The following TTC39C variants were observed in gnomAD, a reference collection of about 807,000 sequenced individuals.
TTC39C encodes the protein tetratricopeptide repeat domain 39C.
A neutral mutation model predicts 76.3 loss-of-function variants in TTC39C; 33 were observed. The observed-to-expected ratio is 0.43, with a 90% CI of 0.33 to 0.58. The LOEUF (loss-of-function observed/expected upper bound fraction) is 0.58, where lower values mean the gene tolerates loss of function less well. Ranked by LOEUF, TTC39C falls within the 20% of genes least tolerant of loss-of-function variation. The pLI, the probability that TTC39C is intolerant of heterozygous loss-of-function variation, is 0.04. For missense variants in TTC39C, 595 were observed against 701.4 expected (o/e 0.85, Z 1.71); for synonymous variants, 254 against 260.6 (o/e 0.97, Z 0.24).
intron 1 of TTC39C, among the ~76,000 whole-genome samples, chr18:24,053,292 C>T (rs1305822284): frequency 6.6e-6 from 1 of 151,450 alleles, no homozygotes; most frequent in Non-Finnish European, 1.5e-5. Context: ...TTCCAAGACA[C>T]CTTTCCCTTT....
At chr18:24,120,618 T>C (rs901212324) in intron 8 of TTC39C, among the ~76,000 whole-genome samples, 1 of 152,194 alleles carries the variant, frequency 6.6e-6, no homozygotes, top group Non-Finnish European at 1.5e-5. Context: ...GCTCAGATTG[T>C]TTTGCAAACA....
intron 4 of TTC39C, among the ~76,000 whole-genome samples, chr18:24,079,806 C>CTTT (rs34238141): frequency 1.4e-4 from 19 of 140,536 alleles, no homozygotes; most frequent in African/African-American, 4.0e-4. Context: ...TTTTTTCTTT[C>CTTT]TTTTTTTTTT....
rs200046547 is a variant in TTC39C, at chr18:24,118,231, A to G, written c.1185A>G (p.Ala395=). The change falls in exon 8 of 14, where the codon GCA becomes GCG. Residue 395 remains alanine, a splice_region_variant and synonymous_variant. Transcript: ENST00000317571. ...AGTGCTATTATGCCTACTTGACTGC[A>G]GGTGAGTCGCCCATGGTCCCTCAGT... ...WSQCYYAYLT[A]VCQGATGDVD... 2.2e-4 allele frequency: 348 copies of G among 1,611,934 alleles called. No individual in the cohort carries two copies. Among genetic ancestry groups the G allele is most frequent in the Non-Finnish European group, 2.5e-4 (296 of 1,178,836 alleles).
chr18:24,064,057 C>T, intron 1 of TTC39C, 83 bp from the exon 2 acceptor site: 1 of 1,560,258 alleles, frequency 6.4e-7, no homozygotes, highest in Non-Finnish European at 8.7e-7. Context: ...ATATGGTAAT[C>T]ATGATATGTC....
intron 1 of TTC39C, among the ~76,000 whole-genome samples, chr18:24,051,325 G>A (rs2083946345): frequency 1.3e-5 from 2 of 152,330 alleles, no homozygotes; most frequent in Middle Eastern, 3.4e-3. Flanking sequence ...TAAGATGCAA[G>A]GCCATATCAC....
chr18:24,021,523 CT>C (rs929993311), intron 1 of TTC39C, among the ~76,000 whole-genome samples: 19 of 142,160 alleles, frequency 1.3e-4, no homozygotes, highest in Non-Finnish European at 2.1e-4. Flanking sequence ...TGGGGTTTTG[CT>C]TTTTTTCTTT....
At chr18:24,023,985 T>TAC in intron 1 of TTC39C, among the ~76,000 whole-genome samples, 1 of 5,890 alleles carries the variant, frequency 1.7e-4, no homozygotes, top group African/African-American at 3.1e-4. Flanking sequence ...TATATACATA[T>TAC]ATATATATAT....
intron 1 of TTC39C, among the ~76,000 whole-genome samples, chr18:24,050,434 A>C (rs1294342855): frequency 6.6e-6 from 1 of 151,842 alleles, no homozygotes; most frequent in Non-Finnish European, 1.5e-5. Flanking sequence ...GCCAGGCATG[A>C]TGACCCATGC....
intron 4 of TTC39C, among the ~76,000 whole-genome samples, chr18:24,076,352 C>T (rs1432109926): frequency 1.3e-5 from 2 of 152,196 alleles, no homozygotes; most frequent in Admixed American, 6.5e-5. Flanking sequence ...ATGATTCATA[C>T]TTGACCTTTC....
chr18:24,069,099 G>T, intron 3 of TTC39C, 58 bp from the exon 4 acceptor site: 1 of 1,332,060 alleles, frequency 7.5e-7, no homozygotes, highest in South Asian at 1.2e-5. Context: ...ATACTGTTTG[G>T]GGGAACTGTC....
upstream of TTC39C, chr18:24,013,088 C>T (rs1181628816): frequency 6.6e-6 from 1 of 152,168 alleles, no homozygotes; most frequent in Non-Finnish European, 1.5e-5. Flanking sequence ...AGGATGGTGA[C>T]ACTGCTGATG....
intron 1 of TTC39C, among the ~76,000 whole-genome samples, chr18:24,033,535 A>G (rs1184910043): frequency 3.3e-5 from 5 of 152,184 alleles, no homozygotes; most frequent in Admixed American, 2.6e-4. Context: ...TTTGCTATGC[A>G]TTCTGTAAGA....
chr18:24,023,843 C>T (rs2083545470), intron 1 of TTC39C, among the ~76,000 whole-genome samples: 1 of 120,790 alleles, frequency 8.3e-6, no homozygotes, highest in Non-Finnish European at 1.9e-5. Flanking sequence ...TGTAATTCCC[C>T]TTTTATGATC....
At chr18:24,075,162 A>T (rs11661995) in intron 4 of TTC39C, among the ~76,000 whole-genome samples, 64,772 of 147,926 alleles carry the variant, frequency 0.44, 16,111 homozygotes, top group Non-Finnish European at 0.57. Flanking sequence ...GGGTGGGGGG[A>T]GTGGGGAGGG....
At chr18:24,045,620 T>C (rs1389463130) in intron 1 of TTC39C, among the ~76,000 whole-genome samples, 1 of 152,020 alleles carries the variant, frequency 6.6e-6, no homozygotes, top group Non-Finnish European at 1.5e-5. Context: ...CTGCCTGCAA[T>C]GGAGTTGGCA....
At position 24,026,075 on chromosome 18, in the gene TTC39C, G is replaced by C. The variant is rs115004940; in HGVS notation, c.167+11037G>C. 7.8e-3 allele frequency among the ~76,000 whole-genome samples: 1,195 copies of C among 152,296 alleles called. 15 individuals are homozygous for C. Among genetic ancestry groups the C allele is most frequent in the African/African-American group, 0.027 (1,137 of 41,542 alleles). On this transcript the variant is annotated intron_variant, in intron 1 of 13. Transcript: ENST00000317571. The stretch of plus-strand genomic sequence containing the variant: ...CAAACAGCTCCAGAAAAGTATGGCA[G>C]TTCAGGTTTCTCTGTCCCTTGCCAT...
At chr18:24,075,500 A>G (rs1480641327) in intron 4 of TTC39C, among the ~76,000 whole-genome samples, 1 of 151,974 alleles carries the variant, frequency 6.6e-6, no homozygotes, top group African/African-American at 2.4e-5. Context: ...CCTGGGCAAC[A>G]TGGCAAAACC....
intron 1 of TTC39C, among the ~76,000 whole-genome samples, chr18:24,061,593 T>TGAA (rs1344347027): frequency 1.4e-4 from 13 of 95,790 alleles, no homozygotes; most frequent in South Asian, 3.8e-4. Flanking sequence ...TTGAAATAAG[T>TGAA]AAAAAAAAAA....
At chr18:24,080,998 ACAAT>A in intron 5 of TTC39C, 59 bp downstream of exon 5, 1 of 1,434,454 alleles carries the variant, frequency 7.0e-7, no homozygotes, top group Non-Finnish European at 9.4e-7. Context: ...TAAGTAAACG[ACAAT>A]CAAAGACTTT....
Sources: gnomAD v4.1 joint callset for allele counts (sites outside exome capture counted in the v4.1 genomes callset) on GRCh38, gnomAD v4.1.1 for gene constraint, MANE v1.5 for transcripts, NCBI Gene and HGNC (gene_info 2026-07-23, HGNC 2026-07-21) for gene names.